The following HEPACAM2 variants were observed in gnomAD, a reference collection of about 807,000 sequenced individuals.
HEPACAM2 encodes the protein mitotic kinetics regulator.
A neutral mutation model predicts 49.6 loss-of-function variants in HEPACAM2; 49 were observed. The observed-to-expected ratio is 0.99, with a 90% CI of 0.78 to 1.25. The LOEUF is 1.25. Ranked by LOEUF, HEPACAM2 falls within the 50% of genes most tolerant of loss-of-function variation. The pLI, the probability that HEPACAM2 is intolerant of heterozygous loss-of-function variation, is 0.00. For missense variants in HEPACAM2, 525 were observed against 557.2 expected, an observed-to-expected ratio of 0.94 and a Z score of 0.58; for synonymous variants, 197 against 202.9, an observed-to-expected ratio of 0.97 and a Z score of 0.25.
Position 93,221,591 on chromosome 7 carries a change from A to G in HEPACAM2, c.80-2140T>C, listed in dbSNP as rs936545187. Among the ~76,000 whole-genome samples the G allele has an allele frequency of 2.0e-5, 3 of 152,162 alleles. No homozygotes were observed. The East Asian group carries it at 5.8e-4, about 29-fold the overall frequency. On this transcript the variant is annotated intron_variant, in intron 1 of 9. Coordinates refer to ENST00000394468, the MANE Select transcript of HEPACAM2 (RefSeq NM_001039372.4). ...TTTGGGCCTTTGGCTAGCTATTAGTAGAGAGTGAGACTCTGGGGTTGGCAG... is the reference window on the plus strand; with the variant it reads ...TTTGGGCCTTTGGCTAGCTATTAGTGGAGAGTGAGACTCTGGGGTTGGCAG...
intron 8 of HEPACAM2, 148 bp from the exon 9 acceptor site, chr7:93,192,511 C>T (rs1403615455): frequency 5.5e-5 from 35 of 633,720 alleles, no homozygotes; most frequent in Middle Eastern, 4.3e-4. Context: ...TTCCTCCTTG[C>T]TACACTTTTC....
At chr7:93,226,236 G>C in intron 1 of HEPACAM2, 132 bp downstream of exon 1, 1 of 636,150 alleles carries the variant, frequency 1.6e-6, no homozygotes, top group East Asian at 2.7e-5. Flanking sequence ...GTGTGTTATT[G>C]TTAAAAGGTT....
At chr7:93,197,025 G>GC (rs56968447) in intron 7 of HEPACAM2, among the ~76,000 whole-genome samples, 152,276 of 152,276 alleles carry the variant, frequency 1, 76,138 homozygotes, top group Non-Finnish European at 1. Context: ...AGTTAAGAGT[G>GC]CTTCCAGGCC....
chr7:93,198,239 C>T (rs1231721564), intron 4 of HEPACAM2, among the ~76,000 whole-genome samples: 2 of 152,064 alleles, frequency 1.3e-5, no homozygotes, highest in African/African-American at 2.4e-5. Flanking sequence ...ATCAGTCATT[C>T]CCTTTATTAA....
intron 4 of HEPACAM2, among the ~76,000 whole-genome samples, chr7:93,202,585 C>G (rs893661708): frequency 3.3e-5 from 5 of 152,090 alleles, no homozygotes; most frequent in African/African-American, 1.2e-4. Flanking sequence ...CTGCCATCAC[C>G]AAAATTCTAT....
chr7:93,230,364 T>C (rs1429138398), upstream of HEPACAM2, among the ~76,000 whole-genome samples: 1 of 152,216 alleles, frequency 6.6e-6, no homozygotes, highest in African/African-American at 2.4e-5. Context: ...ATGCTAGAGC[T>C]GGACTGCCTT....
In HEPACAM2 at chr7:93,219,348, T is replaced by C. The variant is rs1794394777; in HGVS notation, c.183A>G (p.Ala61=). 6.2e-7 allele frequency: 1 copy of C among 1,613,912 alleles called. No individual in the cohort carries two copies. Among genetic ancestry groups the C allele is most frequent in the African/African-American group, 1.3e-5 (1 of 74,912 alleles). ...ATAGCCATATGATCTGGATGTCTGA[T>C]GCTGGAGTGTGGAAGCCATAGTGGA... ...LPVHYGFHTP[A]SDIQIIWLFE... Residue 61 remains alanine, a synonymous_variant, in exon 2 of 10, where the codon GCA becomes GCG. Coordinates refer to ENST00000394468, the MANE Select transcript of HEPACAM2 (RefSeq NM_001039372.4).
intron 4 of HEPACAM2, among the ~76,000 whole-genome samples, chr7:93,203,891 A>G (rs991962457): frequency 6.6e-6 from 1 of 152,038 alleles, no homozygotes; most frequent in Non-Finnish European, 1.5e-5. Context: ...TGCCATTTCC[A>G]CACTCCATCA....
intron 5 of HEPACAM2, 22 bp from the exon 6 acceptor site, chr7:93,197,419 A>G (rs1392405821): frequency 6.3e-7 from 1 of 1,588,552 alleles, no homozygotes. Context: ...AGAGAAGAAA[A>G]ATGGTAAGGT....
intron 8 of HEPACAM2, among the ~76,000 whole-genome samples, chr7:93,192,882 T>C (rs1403718522): frequency 6.6e-6 from 1 of 152,096 alleles, no homozygotes; most frequent in Non-Finnish European, 1.5e-5. Context: ...TTGGTTTAAA[T>C]GTAGTAATGG....
chr7:93,225,929 C>G (rs1794530491), intron 1 of HEPACAM2: 6 of 1,426,972 alleles, frequency 4.2e-6, no homozygotes, highest in South Asian at 4.0e-5. Flanking sequence ...TAAAACGAAG[C>G]AGTAAACAGT....
At chr7:93,225,781 C>G in intron 1 of HEPACAM2, 1 of 491,244 alleles carries the variant, frequency 2.0e-6, no homozygotes, top group East Asian at 3.2e-5. Context: ...TAGGACTAGC[C>G]ATTGGGCAAA....
rs562602115 is a variant in HEPACAM2 at position 93,215,917 on chromosome 7, A to C, written c.431-232T>G. ...TAGTCAGAGATAATCAAATTCCAGA[A>C]CTTACTTTTCAAGGATGGTCTAATG... On this transcript the variant is annotated intron_variant, in intron 2 of 9. Coordinates refer to ENST00000394468, the MANE Select transcript of HEPACAM2 (RefSeq NM_001039372.4). Among the ~76,000 whole-genome samples the C allele has an allele frequency of 1.6e-4, 24 of 152,306 alleles. 1 individual carries two copies. Among genetic ancestry groups the C allele is most frequent in the Admixed American group, 1.4e-3 (21 of 15,292 alleles).
intron 9 of HEPACAM2, among the ~76,000 whole-genome samples, chr7:93,191,427 A>T (rs1057425874): frequency 6.6e-6 from 1 of 152,100 alleles, no homozygotes; most frequent in Non-Finnish European, 1.5e-5. Flanking sequence ...ATTTACCCAG[A>T]AGTGTGCATG....
chr7:93,230,527 C>G (rs138791080), upstream of HEPACAM2, among the ~76,000 whole-genome samples: 3 of 152,314 alleles, frequency 2.0e-5, no homozygotes, highest in East Asian at 5.8e-4. Flanking sequence ...GTTGTGAACT[C>G]CTTGTGACCA....
At chr7:93,193,888 A>G (rs1793618538) in intron 8 of HEPACAM2, among the ~76,000 whole-genome samples, 1 of 152,110 alleles carries the variant, frequency 6.6e-6, no homozygotes, top group African/African-American at 2.4e-5. Flanking sequence ...ATAGCTACGT[A>G]TACATAGCTG....
rs1338017345 is a variant in HEPACAM2 at position 93,197,357 on chromosome 7, G to A, written c.1163+16C>T. ...TCTAAGGAAAACAACTATTTTCATA[G>A]AAACAGATGCATTACCTGCCTTCTA... On this transcript the variant is annotated intron_variant, in intron 6 of 9. Coordinates refer to ENST00000394468, the MANE Select transcript of HEPACAM2 (RefSeq NM_001039372.4). 1 of 1,600,516 alleles carries A rather than the reference G, an allele frequency of 6.2e-7. No individual in the cohort carries two copies. The highest frequency in any genetic ancestry group is 1.7e-5 in the Admixed American group (1 of 58,016).
At chr7:93,204,364 ATCTATCTATCATCTC>A (rs1793974902) in intron 4 of HEPACAM2, among the ~76,000 whole-genome samples, 1 of 150,528 alleles carries the variant, frequency 6.6e-6, no homozygotes, top group African/African-American at 2.4e-5. Context: ...CTATCTATCT[ATCTATCTATCATCTC>A]TCTGTCTGTC....
At chr7:93,201,209 T>C (rs556593297) in intron 4 of HEPACAM2, among the ~76,000 whole-genome samples, 1 of 152,154 alleles carries the variant, frequency 6.6e-6, no homozygotes, top group Non-Finnish European at 1.5e-5. Context: ...GTATGGTTTA[T>C]CTGTTCATCT....
Sources: gnomAD v4.1 joint callset for allele counts (sites outside exome capture counted in the v4.1 genomes callset) on GRCh38, gnomAD v4.1.1 for gene constraint, MANE v1.5 for transcripts, NCBI Gene and HGNC (gene_info 2026-07-23, HGNC 2026-07-21) for gene names.